Variants in ABCA10 observed in about 807,000 individuals in gnomAD.
ABCA10 encodes ATP-binding cassette sub-family A member 10.
ABCA10 carries 169 observed loss-of-function variants against 187.5 expected under a neutral mutation model. The ratio of observed to expected loss-of-function variants is 0.90; its 90% CI spans 0.80 to 1.02. The LOEUF (loss-of-function observed/expected upper bound fraction) is 1.02. ABCA10 is among the 50% of genes least tolerant of loss of function. The pLI is 0.00. For missense variants in ABCA10, 1,727 were observed against 1,812.4 expected (o/e 0.95, Z 0.86); for synonymous variants, 574 against 601.8 (o/e 0.95, Z 0.68).
chr17:69,203,104 G>A (rs1392129718), intron 9 of ABCA10, among the ~76,000 whole-genome samples: 2 of 152,130 alleles, frequency 1.3e-5, no homozygotes, highest in Admixed American at 1.3e-4. Context: ...AAATATATGG[G>A]AAAGAATGGA....
intron 5 of ABCA10, 152 bp from the exon 6 acceptor site, chr17:69,219,923 A>G (rs1332933740): frequency 1.7e-6 from 1 of 596,692 alleles, no homozygotes; most frequent in Non-Finnish European, 2.7e-6. Context: ...ATAACTTTTG[A>G]TACCAATTGA....
At position 69,197,006 on chromosome 17, in the gene ABCA10, CAGAGGGA is replaced by C. The variant is rs994529058; in HGVS notation, c.1234+51_1234+57del. 6.0e-6 allele frequency: 3 copies of C among 499,892 alleles called. No homozygotes were observed. The African/African-American group carries it at 6.2e-5, about 10-fold the overall frequency. 31.0% of individuals were successfully genotyped at this position (499,892 alleles called of 1,614,324 possible). ...CTTGGCATCAGAGGGAGACCGTGGACAGAGGGAGGGGGAGGGGGAGAGGGAGAGGGAG... is the reference window on the plus strand; with the variant it reads ...CTTGGCATCAGAGGGAGACCGTGGACGGGGGAGGGGGAGAGGGAGAGGGAG... On this transcript the variant is annotated intron_variant, in intron 11 of 38. Transcript: ENST00000690296.
chr17:69,227,162 A>G lies in ABCA10; in HGVS notation c.-189T>C, dbSNP rs887774803. 1.4e-5 allele frequency: 2 copies of G among 145,298 alleles called. No homozygotes were observed. The highest frequency in any genetic ancestry group is 3.0e-5 in the Non-Finnish European group (2 of 65,602). The allele number at this position is 145,298 out of a possible 1,614,324, so 9.0% of individuals were successfully genotyped here. ...AATCATACCAATAAACTCTCTTTTT[A>G]TTCTCCATTTTTTAAGAAAATTCTT... On this transcript the variant is annotated 5_prime_UTR_variant, in exon 2 of 39. Transcript: ENST00000690296.
chr17:69,241,063 TAAC>T (rs2074900666), intron 1 of ABCA10, among the ~76,000 whole-genome samples: 1 of 152,166 alleles, frequency 6.6e-6, no homozygotes, highest in Non-Finnish European at 1.5e-5. Flanking sequence ...ATCTCAAACT[TAAC>T]AAATACAAAA....
chr17:69,218,221 T>C (rs2074721041), intron 6 of ABCA10, among the ~76,000 whole-genome samples: 1 of 152,176 alleles, frequency 6.6e-6, no homozygotes, highest in South Asian at 2.1e-4. Flanking sequence ...TAATATGGTA[T>C]GCATTTCTGT....
At chr17:69,227,497 T>C (rs1000736656) in intron 1 of ABCA10, among the ~76,000 whole-genome samples, 2 of 151,940 alleles carry the variant, frequency 1.3e-5, no homozygotes, top group African/African-American at 2.4e-5. Flanking sequence ...ATGAGGGAGA[T>C]AAAGGAGATA....
At chr17:69,195,913 A>G (rs1044243348) in intron 11 of ABCA10, among the ~76,000 whole-genome samples, 2 of 152,092 alleles carry the variant, frequency 1.3e-5, no homozygotes, top group Admixed American at 6.5e-5. Flanking sequence ...AAGGCAGAAG[A>G]ATTTTTCTTA....
At chr17:69,154,500 C>T (rs1388038155) in intron 30 of ABCA10, among the ~76,000 whole-genome samples, 174 bp from the exon 31 acceptor site, 1 of 146,848 alleles carries the variant, frequency 6.8e-6, no homozygotes, top group Non-Finnish European at 1.5e-5. Flanking sequence ...TCATTGCCTG[C>T]TGCAGCCTTG....
upstream of ABCA10, among the ~76,000 whole-genome samples, chr17:69,230,009 A>G (rs77049332): frequency 0.03 from 4,584 of 152,186 alleles, 100 homozygotes; most frequent in Non-Finnish European, 0.049. Context: ...ATGAAACAGC[A>G]TTGAGAAGTG....
chr17:69,175,354 C>T, intron 23 of ABCA10, 52 bp downstream of exon 23: 1 of 1,496,890 alleles, frequency 6.7e-7, no homozygotes, highest in South Asian at 1.2e-5. Flanking sequence ...ATTGCAATTA[C>T]TACAGTCAAA....
At chr17:69,194,196 A>G (rs1225336055) in intron 12 of ABCA10, among the ~76,000 whole-genome samples, 189 bp downstream of exon 12, 1 of 152,186 alleles carries the variant, frequency 6.6e-6, no homozygotes, top group African/African-American at 2.4e-5. Flanking sequence ...ATATACATGG[A>G]ATGTCAAATA....
chr17:69,163,078 C>T (rs545058686), intron 27 of ABCA10, among the ~76,000 whole-genome samples: 10 of 152,214 alleles, frequency 6.6e-5, no homozygotes, highest in Non-Finnish European at 1.2e-4. Context: ...CTCAGGTGGT[C>T]CACCCACCTC....
In ABCA10 at chr17:69,152,367, C is replaced by A; in HGVS notation, c.4251G>T (p.Thr1417=). 6.2e-7 allele frequency: 1 copy of A among 1,613,372 alleles called. No homozygotes were observed. The highest frequency in any genetic ancestry group is 8.5e-7 in the Non-Finnish European group (1 of 1,179,674). ...CDRMAMMVSG[T]LRCIGSIQHL... The stretch of plus-strand genomic sequence containing the variant: ...TGGTCAGGACAGGCACCCACCTTAG[C>A]GTTCCTGACACCATCATGGCCATAC... Residue 1417 remains threonine (T), a synonymous_variant, in exon 35 of 39, where the codon ACG becomes ACT. Coordinates refer to ENST00000690296, the MANE Select transcript of ABCA10 (RefSeq NM_001377321.1).
intron 1 of ABCA10, among the ~76,000 whole-genome samples, chr17:69,237,153 C>G (rs1375402891): frequency 6.6e-6 from 1 of 152,176 alleles, no homozygotes; most frequent in Admixed American, 6.5e-5. Flanking sequence ...ATGGAGTCGA[C>G]AAGTCTTACG....
At chr17:69,210,845 C>CATATATATATAT (rs1568069877) in intron 9 of ABCA10, among the ~76,000 whole-genome samples, 1 of 13,246 alleles carries the variant, frequency 7.5e-5, no homozygotes, top group African/African-American at 4.2e-4. Flanking sequence ...ATATTTATGC[C>CATATATATATAT]ACATATATAT....
intron 9 of ABCA10, among the ~76,000 whole-genome samples, chr17:69,211,322 T>TATATATATATATATG (rs1555662984): frequency 1.1e-4 from 1 of 8,864 alleles, no homozygotes; most frequent in East Asian, 8.9e-4. Flanking sequence ...ATGATATATA[T>TATATATATATATATG]ATATATATAT....
intron 6 of ABCA10, among the ~76,000 whole-genome samples, chr17:69,218,397 C>T (rs2074721813): frequency 6.6e-6 from 1 of 151,962 alleles, no homozygotes; most frequent in African/African-American, 2.4e-5. Context: ...AGGGAAAAAT[C>T]TTAACTTTTC....
At chr17:69,195,896 G>A (rs1011361812) in intron 11 of ABCA10, among the ~76,000 whole-genome samples, 16 of 152,206 alleles carry the variant, frequency 1.1e-4, no homozygotes, top group Non-Finnish European at 2.2e-4. Flanking sequence ...TAGATTAACC[G>A]CATCCCAAGG....
Position 69,153,328 on chromosome 17 carries a change from G to T in ABCA10, c.4113C>A (p.Asp1371Glu), listed in dbSNP as rs749842617. ...ACCACATTTGCTGCTGCCCCTCGGG[G>T]TCCATCCCGGTGAACGGCTCATCTA... Reference protein sequence around the residue: ...VLLDEPFTGMDPEGQQQMWQI... With the variant: ...VLLDEPFTGMEPEGQQQMWQI... The change falls in exon 34 of 39, where the codon GAC becomes GAA. Residue 1371 changes from aspartate (D) to glutamate (E), a missense_variant. Transcript: ENST00000690296. The T allele has an allele frequency of 5.6e-6, 9 of 1,612,772 alleles. No homozygotes were observed. The Admixed American group carries it at 1.2e-4, about 21-fold the overall frequency.
Sources: allele counts gnomAD v4.1 joint callset (sites outside exome capture counted in the v4.1 genomes callset), GRCh38; gene constraint gnomAD v4.1.1; transcripts MANE v1.5; gene names NCBI Gene and HGNC (gene_info 2026-07-23, HGNC 2026-07-21).